The following KCNS3 variants were observed in gnomAD, a reference collection of about 807,000 sequenced individuals.
KCNS3 encodes delayed-rectifier potassium channel regulatory subunit KCNS3.
A neutral mutation model predicts 31.0 loss-of-function variants in KCNS3; 13 were observed. The ratio of observed to expected loss-of-function variants is 0.42; its 90% CI spans 0.27 to 0.67. KCNS3 has a LOEUF of 0.67. KCNS3 is among the 30% of genes least tolerant of loss of function. KCNS3 has a pLI of 0.25. For synonymous variants in KCNS3, 238 were observed against 241.5 expected, an observed-to-expected ratio of 0.99 and a Z score of 0.13; for missense variants, 545 against 622.4, an observed-to-expected ratio of 0.88 and a Z score of 1.32.
At chr2:17,903,034 A>G (rs915451872) in intron 1 of KCNS3, among the ~76,000 whole-genome samples, 1 of 152,252 alleles carries the variant, frequency 6.6e-6, no homozygotes, top group African/African-American at 2.4e-5. Context: ...GTTGATAAAT[A>G]AGCTACTTGT....
At chr2:17,913,468 A>G (rs1396794902) in intron 1 of KCNS3, among the ~76,000 whole-genome samples, 1 of 152,274 alleles carries the variant, frequency 6.6e-6, no homozygotes, top group Non-Finnish European at 1.5e-5. Context: ...AAAATGTTAG[A>G]AAACTTAAGA....
chr2:17,932,372 T>C lies in KCNS3; in HGVS notation c.1364T>C (p.Leu455Pro), dbSNP rs1663022375. Reference protein sequence around the residue: ...AQRMHTFITSLSSVGIVVSDP... With the variant: ...AQRMHTFITSPSSVGIVVSDP... ...CGGATGCACACCTTCATTACCAGTC[T>C]CTCTTCTGTAGGCATTGTGGTGAGC... is the stretch of plus-strand genomic sequence containing the variant. Residue 455 changes from leucine to proline, a missense_variant, in exon 3 of 3, where the codon CTC becomes CCC. Leu to Pro is a moderately conservative substitution (Grantham distance 98). Transcript: ENST00000304101. 2 of 1,614,030 alleles carry C rather than the reference T, an allele frequency of 1.2e-6. No homozygotes were observed. Among genetic ancestry groups the C allele is most frequent in the Non-Finnish European group, 8.5e-7 (1 of 1,179,994 alleles).
At chr2:17,906,250 A>G (rs1322928118) in intron 1 of KCNS3, among the ~76,000 whole-genome samples, 1 of 152,128 alleles carries the variant, frequency 6.6e-6, no homozygotes, top group Admixed American at 6.5e-5. Context: ...ATTTGCATAG[A>G]GATGTTTATA....
intron 1 of KCNS3, among the ~76,000 whole-genome samples, chr2:17,912,689 G>A (rs1373836438): frequency 1.3e-5 from 2 of 152,234 alleles, no homozygotes; most frequent in African/African-American, 4.8e-5. Context: ...AGGAGGAAAG[G>A]AAGGTGGTAT....
intron 1 of KCNS3, among the ~76,000 whole-genome samples, chr2:17,916,612 CAACTTGGA>C (rs1450508540): frequency 2.0e-5 from 3 of 152,170 alleles, no homozygotes; most frequent in Non-Finnish European, 4.4e-5. Flanking sequence ...GTTGCTGGGA[CAACTTGGA>C]AACTGTGTTC....
intron 2 of KCNS3, among the ~76,000 whole-genome samples, chr2:17,925,529 G>A (rs546538283): frequency 7.9e-5 from 12 of 152,160 alleles, no homozygotes; most frequent in Non-Finnish European, 1.6e-4. Flanking sequence ...CAGTTCCGCA[G>A]GGCTAGGGGG....
intron 1 of KCNS3, among the ~76,000 whole-genome samples, chr2:17,897,069 T>C (rs1662046486): frequency 6.7e-6 from 1 of 149,760 alleles, no homozygotes; most frequent in Non-Finnish European, 1.5e-5. Flanking sequence ...GTAGTCCACA[T>C]TGTTTATTGT....
rs140402061 is a variant in KCNS3 at position 17,893,434 on chromosome 2, C to T, written c.-252+14628C>T. Among the ~76,000 whole-genome samples the T allele has an allele frequency of 2.4e-4, 37 of 152,316 alleles. No homozygotes were observed. The East Asian group carries it at 6.8e-3, about 28-fold the overall frequency. On this transcript the variant is annotated intron_variant, in intron 1 of 2. Transcript: ENST00000304101. ...ATTCGCAACCTCTCCTGAGTTCTGG[C>T]CAGGGGGCTTCTCGCCCCGTTCAAA...
intron 1 of KCNS3, among the ~76,000 whole-genome samples, chr2:17,896,454 A>G (rs1049159615): frequency 5.9e-5 from 9 of 151,898 alleles, no homozygotes; most frequent in African/African-American, 2.2e-4. Flanking sequence ...TACTGGTGTG[A>G]CTTTGGGGGC....
At chr2:17,887,484 G>GATCTATCTATCTATCCATCTATCT in intron 1 of KCNS3, among the ~76,000 whole-genome samples, 1 of 146,358 alleles carries the variant, frequency 6.8e-6, no homozygotes, top group East Asian at 2.0e-4. Flanking sequence ...TCTATCATAT[G>GATCTATCTATCTATCCATCTATCT]ATCTATCTAT....
At chr2:17,902,334 CTGTGTGTGTGTGTGTGTGTGTGTGTG>C (rs61498649) in intron 1 of KCNS3, among the ~76,000 whole-genome samples, 1 of 149,648 alleles carries the variant, frequency 6.7e-6, no homozygotes, top group African/African-American at 2.5e-5. Flanking sequence ...GGTTGGGAGA[CTGTGTGTGTGTGTGTGTGTGTGTGTG>C]TGTGTGTGTG....
At chr2:17,915,192 G>A (rs1662560736) in intron 1 of KCNS3, among the ~76,000 whole-genome samples, 1 of 152,232 alleles carries the variant, frequency 6.6e-6, no homozygotes, top group South Asian at 2.1e-4. Flanking sequence ...ATTCTGCAGA[G>A]GGTGGCAATA....
At chr2:17,907,195 TCCTTTTACCATTATGTAATGG>T (rs1662343190) in intron 1 of KCNS3, among the ~76,000 whole-genome samples, 1 of 152,246 alleles carries the variant, frequency 6.6e-6, no homozygotes, top group Non-Finnish European at 1.5e-5. Flanking sequence ...GTTGAATTGA[TCCTTTTACCATTATGTAATGG>T]CCTTCTTTGT....
At chr2:17,896,375 T>C (rs1247981817) in intron 1 of KCNS3, among the ~76,000 whole-genome samples, 1 of 151,974 alleles carries the variant, frequency 6.6e-6, no homozygotes, top group East Asian at 1.9e-4. Flanking sequence ...TTTAGAAAAG[T>C]CCCTCTAGCC....
chr2:17,930,918 A>G, intron 2 of KCNS3, 32 bp from the exon 3 acceptor site: 4 of 1,446,646 alleles, frequency 2.8e-6, no homozygotes, highest in Non-Finnish European at 2.8e-6. Flanking sequence ...ACGGCAGGAC[A>G]GAGTGCTAAT....
intron 1 of KCNS3, among the ~76,000 whole-genome samples, chr2:17,887,237 A>G (rs1055321304): frequency 6.6e-6 from 1 of 151,998 alleles, no homozygotes; most frequent in African/African-American, 2.4e-5. Flanking sequence ...TACACTGCAC[A>G]ATATTTGTAC....
chr2:17,881,136 G>C (rs563763128), intron 1 of KCNS3, among the ~76,000 whole-genome samples: 1 of 152,178 alleles, frequency 6.6e-6, no homozygotes, highest in Non-Finnish European at 1.5e-5. Flanking sequence ...TATTGCTGTG[G>C]GAGCCAGCAG....
In KCNS3 at chr2:17,931,402, G is replaced by A. The variant is rs1206327962; in HGVS notation, c.394G>A (p.Asp132Asn). 6.2e-7 allele frequency: 1 copy of A among 1,614,150 alleles called. No individual in the cohort carries two copies. Among genetic ancestry groups the A allele is most frequent in the African/African-American group, 1.3e-5 (1 of 75,030 alleles). Residue 132 changes from aspartate (D) to asparagine (N), a missense_variant, in exon 3 of 3, where the codon GAC becomes AAC. By Grantham distance (23) the Asp-to-Asn change is conservative (BLOSUM62 1). Coordinates refer to ENST00000304101, the MANE Select transcript of KCNS3 (RefSeq NM_002252.5). This position sits in a 1 kb window ranked among gnomAD's most constrained non-coding sequence, Gnocchi z 5.4. ...ACGCAAGGAGGAAAACCACGAGAAG[G>A]ACTGGGACCAGAAAAGCCATGATGT... ...QERKEENHEK[D>N]WDQKSHDVST...
intron 2 of KCNS3, among the ~76,000 whole-genome samples, chr2:17,922,097 G>C (rs2125251297): frequency 1.3e-5 from 2 of 150,902 alleles, no homozygotes; most frequent in South Asian, 4.2e-4. Flanking sequence ...TGATTTTGCT[G>C]ATTGCACCCC....
Sources: gnomAD v4.1 joint callset for allele counts (sites outside exome capture counted in the v4.1 genomes callset) on GRCh38, gnomAD v4.1.1 for gene constraint, Gnocchi (gnomAD v3.1) non-coding constraint, MANE v1.5 for transcripts, NCBI Gene and HGNC (gene_info 2026-07-23, HGNC 2026-07-21) for gene names.